PAX5: variants seen among roughly 807,000 people sequenced by gnomAD.
PAX5 encodes the protein paired box 5.
PAX5 carries 9 observed loss-of-function variants against 43.7 expected under a neutral mutation model. The observed-to-expected ratio is 0.21, with a 90% CI of 0.12 to 0.36. The LOEUF (loss-of-function observed/expected upper bound fraction) is 0.36. PAX5 is among the 10% of genes least tolerant of loss of function. The pLI, the probability that PAX5 is intolerant of heterozygous loss-of-function variation, is 1.00. For missense variants in PAX5, 383 were observed against 532.7 expected (o/e 0.72, Z 2.77); for synonymous variants, 228 against 214.3 (o/e 1.06, Z -0.56).
intron 8 of PAX5, chr9:36,861,319 C>T (rs963025078): frequency 6.6e-6 from 1 of 151,268 alleles, no homozygotes; most frequent in Non-Finnish European, 1.5e-5. Flanking sequence ...GATTGAGGGC[C>T]TACTAGGTAC....
At chr9:37,000,671 C>G (rs887303893) in intron 5 of PAX5, among the ~76,000 whole-genome samples, 9 of 152,196 alleles carry the variant, frequency 5.9e-5, no homozygotes, top group Admixed American at 5.9e-4. Context: ...GTTGGCAGCC[C>G]AACAAGTGGC....
rs1828612797 is a variant in PAX5 at position 36,904,025 on chromosome 9, A to G, written c.910+19330T>C. On this transcript the variant is annotated intron_variant, in intron 7 of 9. Transcript: ENST00000358127. The stretch of plus-strand genomic sequence containing the variant: ...ACCACTTACAAGCTGTGTGACCTTG[A>G]GCAAGTTTCTATGCTTCTCTGTGCC... 2.6e-5 allele frequency among the ~76,000 whole-genome samples: 4 copies of G among 152,218 alleles called. No homozygotes were observed. The South Asian group carries it at 8.3e-4, about 31-fold the overall frequency.
rs1821770834 is a variant in PAX5 at position 36,838,129 on chromosome 9, G to C, written c.*2431C>G. 1 of 233,174 alleles carries C rather than the reference G, an allele frequency of 4.3e-6. No individual in the cohort carries two copies. The highest frequency in any genetic ancestry group is 8.5e-6 in the Non-Finnish European group (1 of 118,092). 14.4% of individuals were successfully genotyped at this position (233,174 alleles called of 1,614,324 possible). On this transcript the variant is annotated 3_prime_UTR_variant, in exon 10 of 10. Transcript: ENST00000358127. ...TGGAAGCTGCAGCCAGCTCACCCTGGCTCCTGGAGGTGGACTCTGGCCCCA... is the reference window on the plus strand; with the variant it reads ...TGGAAGCTGCAGCCAGCTCACCCTGCCTCCTGGAGGTGGACTCTGGCCCCA...
chr9:36,958,933 A>T (rs903002621), intron 6 of PAX5, among the ~76,000 whole-genome samples: 1 of 152,224 alleles, frequency 6.6e-6, no homozygotes, highest in Admixed American at 6.5e-5. Flanking sequence ...AGCAGCCACC[A>T]GTATCCTGGC....
intron 3 of PAX5, chr9:37,007,886 G>C (rs1270269768): frequency 2.0e-5 from 3 of 152,010 alleles, no homozygotes; most frequent in Non-Finnish European, 2.9e-5. Context: ...TGTTGTGGTG[G>C]TTGTTTGTTT....
intron 7 of PAX5, among the ~76,000 whole-genome samples, chr9:36,919,679 A>G (rs1442980061): frequency 6.6e-6 from 1 of 151,856 alleles, no homozygotes; most frequent in Non-Finnish European, 1.5e-5. Flanking sequence ...CGTCTCTACT[A>G]AAAATACAAA....
chr9:37,015,839 C>T lies in PAX5; in HGVS notation c.213-645G>A, dbSNP rs528001765. ...AGGTTATCCGCCTGCCTCGGCCTCC[C>T]AAAGTGCTGGGATTACAGGCATGAG... On this transcript the variant is annotated intron_variant, in intron 2 of 9. Transcript: ENST00000358127. This position sits in a 1 kb window ranked among gnomAD's most constrained non-coding sequence, Gnocchi z 4.4. Among the ~76,000 whole-genome samples the T allele has an allele frequency of 7.2e-5, 11 of 152,328 alleles. No homozygotes were observed. Among genetic ancestry groups the T allele is most frequent in the African/African-American group, 2.6e-4 (11 of 41,566 alleles).
intron 1 of PAX5, chr9:37,026,653 C>T: frequency 7.4e-7 from 1 of 1,349,934 alleles, no homozygotes; most frequent in South Asian, 1.2e-5. Context: ...GATAGGGAGC[C>T]TCGCCACCAG....
Position 37,020,848 on chromosome 9 carries a change from C to A in PAX5, c.47-47G>T, listed in dbSNP as rs771835359. 3.7e-6 allele frequency: 6 copies of A among 1,600,398 alleles called. No individual in the cohort carries two copies. In the Admixed American group the frequency reaches 6.7e-5, roughly 18 times the overall value. ...AGGAAAGGGAAAGGGTAGTTAGAAC[C>A]AGTCACATAGGAGAAGCACCGCTGT... On this transcript the variant is annotated intron_variant, in intron 1 of 9. Coordinates refer to ENST00000358127, the MANE Select transcript of PAX5 (RefSeq NM_016734.3).
intron 5 of PAX5, among the ~76,000 whole-genome samples, chr9:37,001,827 T>TTA (rs573584830): frequency 6.0e-5 from 8 of 133,004 alleles, no homozygotes; most frequent in South Asian, 2.5e-4. Flanking sequence ...TTTTTTTTTT[T>TTA]TTTTTTTCTT....
intron 6 of PAX5, among the ~76,000 whole-genome samples, chr9:36,940,695 G>A (rs1467519911): frequency 6.6e-6 from 1 of 151,916 alleles, no homozygotes; most frequent in Non-Finnish European, 1.5e-5. Flanking sequence ...TCAGTGCACA[G>A]CACCAGGGAG....
At chr9:36,906,029 C>T (rs975706667) in intron 7 of PAX5, among the ~76,000 whole-genome samples, 4 of 152,208 alleles carry the variant, frequency 2.6e-5, no homozygotes, top group South Asian at 4.2e-4. Context: ...CAGGCAGAAA[C>T]GGAGCAAAAG....
chr9:36,926,001 A>T (rs1328381493), intron 6 of PAX5, among the ~76,000 whole-genome samples: 2 of 152,106 alleles, frequency 1.3e-5, no homozygotes, highest in East Asian at 3.8e-4. Context: ...CTGAGCATTC[A>T]CTCTGTACCA....
In PAX5 at chr9:36,838,445, C is replaced by A. The variant is rs1263588415; in HGVS notation, c.*2115G>T. 1.3e-5 allele frequency: 3 copies of A among 232,440 alleles called. No individual in the cohort carries two copies. Among genetic ancestry groups the A allele is most frequent in the Admixed American group, 5.6e-5 (1 of 17,746 alleles). The allele number at this position is 232,440 out of a possible 1,614,324, so 14.4% of individuals were successfully genotyped here. A position where few individuals can be genotyped will look rare whatever the true frequency, so the allele number is the denominator to read the frequency against. ...CACCAGTCACTGCTTGAGGACTCCA[C>A]CTTGCTGAGCCTTAGTTTTCTCTTC... On this transcript the variant is annotated 3_prime_UTR_variant, in exon 10 of 10. Coordinates refer to ENST00000358127, the MANE Select transcript of PAX5 (RefSeq NM_016734.3).
intron 1 of PAX5, among the ~76,000 whole-genome samples, chr9:37,032,739 A>G: frequency 6.6e-6 from 1 of 152,196 alleles, no homozygotes; most frequent in East Asian, 1.9e-4. Context: ...ACAGTGGCCT[A>G]GTGAGTGAAA....
intron 6 of PAX5, among the ~76,000 whole-genome samples, chr9:36,941,009 C>A (rs1832003686): frequency 6.6e-6 from 1 of 152,208 alleles, no homozygotes; most frequent in Non-Finnish European, 1.5e-5. Flanking sequence ...GGCCCAGAAG[C>A]ACTAGAGCTG....
Position 36,840,406 on chromosome 9 carries a change from A to G in PAX5, c.*154T>C, listed in dbSNP as rs1217012138. The G allele has an allele frequency of 2.7e-6, 2 of 753,160 alleles. No individual in the cohort carries two copies. The highest frequency in any genetic ancestry group is 4.5e-6 in the Non-Finnish European group (2 of 439,808). The allele number at this position is 753,160 out of a possible 1,614,324, so 46.7% of individuals were successfully genotyped here. On this transcript the variant is annotated 3_prime_UTR_variant, in exon 10 of 10. Coordinates refer to ENST00000358127, the MANE Select transcript of PAX5 (RefSeq NM_016734.3). ...CAACGGCCCCACCAAAGGGCCCCAG[A>G]GTCCCTGGAGGAAGAGAGGAAGAGG...
At chr9:36,985,105 C>T (rs1276884851) in intron 5 of PAX5, among the ~76,000 whole-genome samples, 1 of 152,220 alleles carries the variant, frequency 6.6e-6, no homozygotes, top group Non-Finnish European at 1.5e-5. Context: ...CATTCCACTG[C>T]ATCATGCTGC....
chr9:37,031,449 G>A (rs1226036788), intron 1 of PAX5, among the ~76,000 whole-genome samples: 1 of 152,188 alleles, frequency 6.6e-6, no homozygotes, highest in African/African-American at 2.4e-5. Context: ...TGCCCAGTGG[G>A]AAAGTACTCA....
Sources: gnomAD v4.1 joint callset for allele counts (sites outside exome capture counted in the v4.1 genomes callset) on GRCh38, gnomAD v4.1.1 for gene constraint, Gnocchi (gnomAD v3.1) non-coding constraint, MANE v1.5 for transcripts, NCBI Gene and HGNC (gene_info 2026-07-23, HGNC 2026-07-21) for gene names.